The following ELOVL5 variants were observed in gnomAD, a reference collection of about 807,000 sequenced individuals.
The protein encoded by ELOVL5 is ELOVL fatty acid elongase 5.
ELOVL5 carries 8 observed loss-of-function variants against 38.6 expected under a neutral mutation model. The ratio of observed to expected loss-of-function variants is 0.21; its 90% CI spans 0.12 to 0.37. The LOEUF (loss-of-function observed/expected upper bound fraction) is 0.37, where lower values mean the gene tolerates loss of function less well. Among genes scored for constraint, ELOVL5 ranks in the 10% least tolerant of loss-of-function variants. The pLI, the probability that ELOVL5 is intolerant of heterozygous loss-of-function variation, is 1.00. For synonymous variants in ELOVL5, 127 were observed against 133.7 expected, an observed-to-expected ratio of 0.95 and a Z score of 0.34; for missense variants, 280 against 367.8, an observed-to-expected ratio of 0.76 and a Z score of 1.95.
In ELOVL5 at chr6:53,295,725, G is replaced by A; in HGVS notation, c.-8-18C>T. On this transcript the variant is annotated intron_variant, in intron 1 of 7. Transcript: ENST00000304434. ...TTGAAAACCTATTAAGAAAAAAAAA[G>A]ATACTGATTAATCTCTACTCAAAAT... 7.0e-7 allele frequency: 1 copy of A among 1,428,368 alleles called. No homozygotes were observed. The highest frequency in any genetic ancestry group is 9.6e-7 in the Non-Finnish European group (1 of 1,041,568). 88.5% of individuals were successfully genotyped at this position (1,428,368 alleles called of 1,614,324 possible). A position where few individuals can be genotyped will look rare whatever the true frequency, so the allele number is the denominator to read the frequency against.
chr6:53,305,067 A>G (rs1452533988), intron 1 of ELOVL5, among the ~76,000 whole-genome samples: 3 of 90,926 alleles, frequency 3.3e-5, no homozygotes, highest in Non-Finnish European at 6.7e-5. Context: ...GACCCCCCCC[A>G]CCTCCCTCCC....
intron 1 of ELOVL5, among the ~76,000 whole-genome samples, chr6:53,299,168 G>A (rs1251948688): frequency 6.6e-6 from 1 of 152,230 alleles, no homozygotes; most frequent in Non-Finnish European, 1.5e-5. Flanking sequence ...TGAGCAGACA[G>A]TAGAATGATG....
chr6:53,295,598 G>C (rs779736198), intron 2 of ELOVL5, 44 bp downstream of exon 2: 1 of 1,324,158 alleles, frequency 7.6e-7, no homozygotes. Context: ...CTATAGGCAG[G>C]GAGTGATGCT....
intron 1 of ELOVL5, among the ~76,000 whole-genome samples, chr6:53,301,386 C>T (rs918697079): frequency 6.6e-6 from 1 of 152,176 alleles, no homozygotes; most frequent in Non-Finnish European, 1.5e-5. Flanking sequence ...GGAAAAGGAG[C>T]TTTAGTCCTA....
intron 1 of ELOVL5, among the ~76,000 whole-genome samples, chr6:53,312,853 G>A (rs1767899148): frequency 1.3e-5 from 2 of 152,206 alleles, no homozygotes; most frequent in South Asian, 2.1e-4. Flanking sequence ...TTTGGCACCT[G>A]TAACTGTAAA....
intron 1 of ELOVL5, among the ~76,000 whole-genome samples, chr6:53,311,608 A>C (rs938640091): frequency 1.3e-5 from 2 of 152,244 alleles, no homozygotes; most frequent in Non-Finnish European, 2.9e-5. Flanking sequence ...TTAATTAATA[A>C]ACAAAATGTT....
chr6:53,312,311 G>A (rs1227745399), intron 1 of ELOVL5, among the ~76,000 whole-genome samples: 2 of 152,104 alleles, frequency 1.3e-5, no homozygotes, highest in Non-Finnish European at 2.9e-5. Flanking sequence ...TCTCCAACAG[G>A]TGAATTGTTA....
intron 2 of ELOVL5, among the ~76,000 whole-genome samples, chr6:53,292,929 C>T (rs1766829395): frequency 6.6e-6 from 1 of 152,170 alleles, no homozygotes; most frequent in Non-Finnish European, 1.5e-5. Context: ...AGAGGAGATA[C>T]TGGTATAGGA....
At chr6:53,274,247 G>GAAAC (rs1766028079) in intron 5 of ELOVL5, among the ~76,000 whole-genome samples, 1 of 151,914 alleles carries the variant, frequency 6.6e-6, no homozygotes, top group Non-Finnish European at 1.5e-5. Flanking sequence ...GTGGGAGGAA[G>GAAAC]AGCAGAAAGC....
chr6:53,289,057 C>G (rs1253201313), intron 3 of ELOVL5, among the ~76,000 whole-genome samples: 1 of 151,978 alleles, frequency 6.6e-6, no homozygotes, highest in African/African-American at 2.4e-5. Context: ...CTGTCTCAAA[C>G]AAACAAAAAA....
chr6:53,306,484 C>G lies in ELOVL5; in HGVS notation c.-8-10777G>C, dbSNP rs62413886. On this transcript the variant is annotated intron_variant, in intron 1 of 7. Coordinates refer to ENST00000304434, the MANE Select transcript of ELOVL5 (RefSeq NM_021814.5). ...GATGTATTCTAGTCTTGAAAGGCAA[C>G]ACACAAATACACTTGATCTTAAAAA... Among the ~76,000 whole-genome samples, 1,065 of 124,132 alleles carry G rather than the reference C, an allele frequency of 8.6e-3. 6 individuals carry two copies. Among genetic ancestry groups the G allele is most frequent in the Non-Finnish European group, 0.012 (758 of 61,774 alleles). The allele number at this position is 124,132 out of a possible 152,430, so 81.4% of individuals were successfully genotyped here.
intron 1 of ELOVL5, among the ~76,000 whole-genome samples, chr6:53,324,919 A>C (rs766024793): frequency 5.9e-5 from 9 of 152,220 alleles, no homozygotes; most frequent in Non-Finnish European, 1.0e-4. Flanking sequence ...GAAAAGGCCT[A>C]GGGTGATATT....
intron 1 of ELOVL5, among the ~76,000 whole-genome samples, chr6:53,337,796 T>A (rs994056280): frequency 2.2e-4 from 34 of 152,146 alleles, no homozygotes; most frequent in African/African-American, 8.2e-4. Flanking sequence ...CCAGGAAGGA[T>A]CTGACATGCT....
intron 1 of ELOVL5, among the ~76,000 whole-genome samples, chr6:53,338,844 A>T (rs966325555): frequency 2.0e-5 from 3 of 152,230 alleles, no homozygotes; most frequent in African/African-American, 7.2e-5. Flanking sequence ...GGAAATTATC[A>T]ATTGAGTTCT....
At chr6:53,342,702 A>C (rs1337678115) in intron 1 of ELOVL5, among the ~76,000 whole-genome samples, 1 of 152,246 alleles carries the variant, frequency 6.6e-6, no homozygotes, top group Non-Finnish European at 1.5e-5. Flanking sequence ...AGCACTAAAA[A>C]TCTTAAAATA....
intron 1 of ELOVL5, among the ~76,000 whole-genome samples, chr6:53,320,726 T>G (rs570688455): frequency 1.3e-5 from 2 of 152,250 alleles, no homozygotes; most frequent in African/African-American, 4.8e-5. Context: ...GCCCCACCTC[T>G]TACTAGTCCC....
At chr6:53,312,348 C>T (rs921963168) in intron 1 of ELOVL5, among the ~76,000 whole-genome samples, 7 of 152,176 alleles carry the variant, frequency 4.6e-5, no homozygotes, top group African/African-American at 4.8e-5. Context: ...ATCCACACCA[C>T]GGAACGTTAC....
intron 1 of ELOVL5, among the ~76,000 whole-genome samples, chr6:53,342,464 T>A (rs1769371994): frequency 6.6e-6 from 1 of 152,218 alleles, no homozygotes; most frequent in Non-Finnish European, 1.5e-5. Context: ...TTCGCCAGCA[T>A]GGCTTCAATT....
chr6:53,328,345 G>A (rs1768638877), intron 1 of ELOVL5, among the ~76,000 whole-genome samples: 1 of 152,110 alleles, frequency 6.6e-6, no homozygotes, highest in Non-Finnish European at 1.5e-5. Flanking sequence ...TGGAAATACA[G>A]TAGCTCAACT....
Sources: allele counts gnomAD v4.1 joint callset (sites outside exome capture counted in the v4.1 genomes callset), GRCh38; gene constraint gnomAD v4.1.1; transcripts MANE v1.5; gene names NCBI Gene and HGNC (gene_info 2026-07-23, HGNC 2026-07-21).